RGS7BP: variants seen among roughly 807,000 people sequenced by gnomAD.
RGS7BP encodes regulator of G protein signaling 7 binding protein.
Under a neutral mutation model 31.3 loss-of-function variants are expected in RGS7BP, and 9 were observed. That is an observed-to-expected ratio of 0.29 (90% CI 0.17 to 0.50). RGS7BP has a LOEUF of 0.50. Among genes scored for constraint, RGS7BP ranks in the 20% least tolerant of loss-of-function variants. RGS7BP has a pLI of 0.98. For synonymous variants in RGS7BP, 115 were observed against 120.1 expected (o/e 0.96, Z 0.28); for missense variants, 274 against 322.0 (o/e 0.85, Z 1.14).
Position 64,575,849 on chromosome 5 carries a change from C to T in RGS7BP, c.408C>T (p.Thr136=). 1 of 1,613,260 alleles carries T rather than the reference C, an allele frequency of 6.2e-7. No individual in the cohort carries two copies. The highest frequency in any genetic ancestry group is 8.5e-7 in the Non-Finnish European group (1 of 1,179,524). ...IQLQCCLEMY[T]TEMLKSICLL... ...TGCAGTGCTGCTTAGAAATGTATACCACAGAGATGCTAAAATCCATATGTC... is the reference window on the plus strand; with the variant it reads ...TGCAGTGCTGCTTAGAAATGTATACTACAGAGATGCTAAAATCCATATGTC... The change falls in exon 3 of 6, where the codon ACC becomes ACT. Residue 136 remains threonine, a synonymous_variant. Transcript: ENST00000334025.
rs979144132 is a variant in RGS7BP, at chr5:64,609,485, A to C, written c.*233A>C. On this transcript the variant is annotated 3_prime_UTR_variant, in exon 6 of 6. Transcript: ENST00000334025. The stretch of plus-strand genomic sequence containing the variant: ...CAGGCTGTTTTTAAAAGGGAATTTT[A>C]AAGCTGACATTGTGCATGTCTGCTC... 7.7e-6 allele frequency: 4 copies of C among 518,220 alleles called. No individual in the cohort carries two copies. The highest frequency in any genetic ancestry group is 7.7e-5 in the African/African-American group (4 of 52,260). The allele number at this position is 518,220 out of a possible 1,614,324, so 32.1% of individuals were successfully genotyped here.
intron 2 of RGS7BP, among the ~76,000 whole-genome samples, chr5:64,521,895 G>T (rs1749116160): frequency 6.6e-6 from 1 of 152,126 alleles, no homozygotes; most frequent in Non-Finnish European, 1.5e-5. Context: ...GGGAAGAAAT[G>T]GATACATTCC....
intron 2 of RGS7BP, among the ~76,000 whole-genome samples, chr5:64,555,097 T>C (rs1741889464): frequency 6.6e-6 from 1 of 151,392 alleles, no homozygotes; most frequent in Non-Finnish European, 1.5e-5. Flanking sequence ...AACAGGAAAA[T>C]AGACAATGGA....
At chr5:64,507,282 A>AG (rs945384328) in intron 1 of RGS7BP, among the ~76,000 whole-genome samples, 11 of 152,152 alleles carry the variant, frequency 7.2e-5, no homozygotes, top group Non-Finnish European at 1.6e-4. Context: ...TGGTTTGCCT[A>AG]TTACACCCTA....
intron 5 of RGS7BP, among the ~76,000 whole-genome samples, chr5:64,607,989 C>T (rs1743408068): frequency 6.6e-6 from 1 of 152,052 alleles, no homozygotes; most frequent in African/African-American, 2.4e-5. Flanking sequence ...TTAGCTATCT[C>T]TTCATCTAAC....
At chr5:64,588,412 A>G (rs1302849121) in intron 3 of RGS7BP, among the ~76,000 whole-genome samples, 1 of 152,206 alleles carries the variant, frequency 6.6e-6, no homozygotes, top group Non-Finnish European at 1.5e-5. Context: ...CCTCTTCAGC[A>G]AAGGGCAGAC....
At chr5:64,512,924 C>A (rs1372522389) in intron 2 of RGS7BP, among the ~76,000 whole-genome samples, 2 of 152,090 alleles carry the variant, frequency 1.3e-5, no homozygotes, top group African/African-American at 4.8e-5. Flanking sequence ...TTTATAAAAT[C>A]TTTTGGCCTA....
intron 2 of RGS7BP, among the ~76,000 whole-genome samples, chr5:64,548,579 G>A (rs572125526): frequency 6.6e-6 from 1 of 151,952 alleles, no homozygotes; most frequent in Non-Finnish European, 1.5e-5. Flanking sequence ...GCGTGATCTC[G>A]GCTCACTGCA....
intron 2 of RGS7BP, among the ~76,000 whole-genome samples, chr5:64,540,840 A>G (rs917949200): frequency 1.3e-5 from 2 of 152,184 alleles, no homozygotes; most frequent in Admixed American, 6.5e-5. Context: ...TGCAGCACAA[A>G]AAAAGCCTCA....
At chr5:64,556,417 CCACACA>C (rs10624566) in intron 2 of RGS7BP, among the ~76,000 whole-genome samples, 14,566 of 125,310 alleles carry the variant, frequency 0.12, 942 homozygotes, top group Non-Finnish European at 0.15. Context: ...TCTTCCCCAG[CCACACA>C]CACACACACA....
chr5:64,524,416 C>G (rs1050424405), intron 2 of RGS7BP, among the ~76,000 whole-genome samples: 15 of 152,134 alleles, frequency 9.9e-5, no homozygotes, highest in African/African-American at 3.6e-4. Context: ...GTGGGTATTA[C>G]CGCGGAGTGA....
intron 2 of RGS7BP, among the ~76,000 whole-genome samples, chr5:64,543,960 T>A (rs915956818): frequency 1.2e-4 from 19 of 152,250 alleles, no homozygotes; most frequent in South Asian, 2.1e-4. Context: ...CAGCATTTTT[T>A]AAAAACTTTT....
At chr5:64,539,743 C>T (rs1447686598) in intron 2 of RGS7BP, 2 of 152,118 alleles carry the variant, frequency 1.3e-5, no homozygotes, top group African/African-American at 2.4e-5. Flanking sequence ...TGGAATCGCA[C>T]CTGTGAATAG....
At chr5:64,598,546 G>A in intron 5 of RGS7BP, 111 bp downstream of exon 5, 1 of 743,438 alleles carries the variant, frequency 1.3e-6, no homozygotes, top group South Asian at 1.5e-5. Flanking sequence ...AGAAGGCATT[G>A]AGCATTCATT....
rs1554053585 is a variant in RGS7BP, at chr5:64,506,737, G to A, written c.113G>A (p.Ser38Asn). Residue 38 changes from serine (S) to asparagine (N), a missense_variant, in exon 1 of 6, where the codon AGC (serine) becomes AAC (asparagine). Physicochemically the swap from Ser to Asn is conservative, Grantham distance 46. Around this residue, in one of 3 missense-constraint regions of RGS7BP, gnomAD observed 149 missense variants for 152.6 expected, o/e 0.98. Transcript: ENST00000334025. The surrounding 1 kb of genome is among the most constrained non-coding windows in gnomAD (Gnocchi z 4.6). ...LQSGDWERRG[S>N]GSESAHKTQR... ...AGCGGAGATTGGGAGCGCAGGGGCA[G>A]CGGCTCCGAGAGCGCCCACAAAACC... 2 of 1,606,878 alleles carry A rather than the reference G, an allele frequency of 1.2e-6. No individual in the cohort carries two copies. The highest frequency in any genetic ancestry group is 1.7e-6 in the Non-Finnish European group (2 of 1,174,132).
intron 2 of RGS7BP, among the ~76,000 whole-genome samples, chr5:64,533,134 T>C (rs1182966119): frequency 6.6e-6 from 1 of 152,174 alleles, no homozygotes; most frequent in African/African-American, 2.4e-5. Flanking sequence ...AGCTTCTCAG[T>C]TGGACCACCT....
At chr5:64,551,877 CT>C (rs1290393413) in intron 2 of RGS7BP, among the ~76,000 whole-genome samples, 2 of 152,066 alleles carry the variant, frequency 1.3e-5, no homozygotes, top group African/African-American at 4.8e-5. Flanking sequence ...TACATATCAT[CT>C]GGTTCATATA....
chr5:64,569,177 C>T (rs1245707317), intron 2 of RGS7BP, among the ~76,000 whole-genome samples: 1 of 152,110 alleles, frequency 6.6e-6, no homozygotes, highest in African/African-American at 2.4e-5. Context: ...GTGAGGAAGT[C>T]ACAGAGCCAG....
chr5:64,606,573 A>C (rs1464269280), intron 5 of RGS7BP, among the ~76,000 whole-genome samples: 2 of 152,130 alleles, frequency 1.3e-5, no homozygotes, highest in African/African-American at 4.8e-5. Context: ...GAGTCCAAAG[A>C]GACACTGAAA....
Sources: allele counts gnomAD v4.1 joint callset (sites outside exome capture counted in the v4.1 genomes callset), GRCh38; gene constraint gnomAD v4.1.1; regional missense constraint gnomAD v4.1.1; non-coding constraint Gnocchi (gnomAD v3.1); transcripts MANE v1.5; gene names NCBI Gene and HGNC (gene_info 2026-07-23, HGNC 2026-07-21).